Variants in DNAJC11 observed in about 807,000 individuals in gnomAD.
DNAJC11 encodes the protein dnaJ homolog subfamily C member 11.
DNAJC11 carries 15 observed loss-of-function variants against 78.6 expected under a neutral mutation model. That is an observed-to-expected ratio of 0.19 (90% CI 0.13 to 0.29). The LOEUF is 0.29. Among genes scored for constraint, DNAJC11 ranks in the 10% least tolerant of loss-of-function variants. DNAJC11 has a pLI of 1.00. For missense variants in DNAJC11, 547 were observed against 709.6 expected (o/e 0.77, Z 2.60); for synonymous variants, 292 against 272.1 (o/e 1.07, Z -0.72).
At chr1:6,654,299 T>C (rs1325198867) in intron 4 of DNAJC11, 1 of 328,740 alleles carries the variant, frequency 3.0e-6, no homozygotes. Context: ...TGCAGAGCAA[T>C]GACACGCCAA....
intron 12 of DNAJC11, chr1:6,638,062 GA>G: frequency 2.2e-6 from 1 of 451,390 alleles, no homozygotes; most frequent in Non-Finnish European, 3.9e-6. Context: ...TCAGAGGGAA[GA>G]AAAAGAGGCC....
chr1:6,673,068 C>G (rs774583582), intron 3 of DNAJC11, among the ~76,000 whole-genome samples: 2 of 151,668 alleles, frequency 1.3e-5, no homozygotes, highest in Non-Finnish European at 2.9e-5. Flanking sequence ...TGGTGGCGGG[C>G]GCCCATAATT....
chr1:6,636,977 C>G (rs546683976), intron 14 of DNAJC11, among the ~76,000 whole-genome samples: 2 of 152,306 alleles, frequency 1.3e-5, no homozygotes, highest in East Asian at 3.9e-4. Context: ...GCCTCCCGAA[C>G]AGCTGGGACA....
At chr1:6,660,280 C>T (rs1642188613) in intron 4 of DNAJC11, among the ~76,000 whole-genome samples, 1 of 151,540 alleles carries the variant, frequency 6.6e-6, no homozygotes, top group East Asian at 2.0e-4. Context: ...CCTTAGCCTC[C>T]CAAATAGCTG....
At chr1:6,656,219 G>A (rs1045551553) in intron 4 of DNAJC11, among the ~76,000 whole-genome samples, 2 of 151,522 alleles carry the variant, frequency 1.3e-5, no homozygotes, top group Non-Finnish European at 2.9e-5. Context: ...GAGTTTATGA[G>A]ATATAATGAG....
Position 6,669,135 on chromosome 1 carries a change from TGAG to T in DNAJC11, c.277-1328_277-1326del, listed in dbSNP as rs201018534. On this transcript the variant is annotated intron_variant, in intron 3 of 15. Coordinates refer to ENST00000377577, the MANE Select transcript of DNAJC11 (RefSeq NM_018198.4). ...CCAGGAGGTGAAGGTTGCAGTGAGC[TGAG>T]ATCATGCCACTGCACTCCAACCTGG... Among the ~76,000 whole-genome samples the T allele has an allele frequency of 7.0e-3, 1,028 of 146,778 alleles. 21 individuals carry two copies. The highest frequency in any genetic ancestry group is 0.024 in the African/African-American group (949 of 39,628).
At chr1:6,661,427 G>A (rs1475869081) in intron 4 of DNAJC11, among the ~76,000 whole-genome samples, 1 of 152,154 alleles carries the variant, frequency 6.6e-6, no homozygotes, top group Non-Finnish European at 1.5e-5. Flanking sequence ...GCTGACATGA[G>A]GGGGTGAAAA....
chr1:6,639,727 T>G (rs1641844903), intron 11 of DNAJC11, among the ~76,000 whole-genome samples, 175 bp downstream of exon 11: 1 of 151,986 alleles, frequency 6.6e-6, no homozygotes, highest in Admixed American at 6.6e-5. Flanking sequence ...TGAGGAGAAA[T>G]AGTTAACATT....
chr1:6,677,489 G>T (rs1317942190), intron 3 of DNAJC11, among the ~76,000 whole-genome samples: 1 of 152,094 alleles, frequency 6.6e-6, no homozygotes. Context: ...TAGAGACAGG[G>T]TCTTGCTATG....
chr1:6,677,170 A>AC (rs1642477602), intron 3 of DNAJC11, among the ~76,000 whole-genome samples: 1 of 151,506 alleles, frequency 6.6e-6, no homozygotes, highest in Non-Finnish European at 1.5e-5. Context: ...AAAAAAAAAA[A>AC]AAAACAAAAA....
intron 2 of DNAJC11, 117 bp from the exon 3 acceptor site, chr1:6,678,584 T>C: frequency 2.6e-6 from 2 of 782,628 alleles, no homozygotes; most frequent in South Asian, 1.8e-5. Flanking sequence ...GATCACAATC[T>C]TCCTAGAGAC....
rs201653157 is a variant in DNAJC11, at chr1:6,678,378, G to A, written c.276+16C>T. The A allele has an allele frequency of 1.3e-3, 2,099 of 1,610,092 alleles. 2 individuals are homozygous for A. The highest frequency in any genetic ancestry group is 1.7e-3 in the Non-Finnish European group (1,958 of 1,176,336). The stretch of plus-strand genomic sequence containing the variant: ...TAATGACTTTTCTGGAACACCAGAC[G>A]CACAGTTTCTCTTACCTCCCATCCT... On this transcript the variant is annotated intron_variant, in intron 3 of 15. Transcript: ENST00000377577.
chr1:6,636,634 G>A (rs759785836), intron 14 of DNAJC11, among the ~76,000 whole-genome samples: 19 of 152,286 alleles, frequency 1.2e-4, no homozygotes, highest in South Asian at 2.1e-4. Context: ...GAAGGCAGGC[G>A]TGTGTTCTGT....
Position 6,654,055 on chromosome 1 carries a change from A to C in DNAJC11, c.379-16T>G, listed in dbSNP as rs1642093715. On this transcript the variant is annotated splice_polypyrimidine_tract_variant and intron_variant, in intron 4 of 15. Transcript: ENST00000377577. The stretch of plus-strand genomic sequence containing the variant: ...TGATCGTTCCCTGGGGCAGAAAAAC[A>C]AGCCGTCAGCAGAACGGGTGGTATT... 1 of 1,610,750 alleles carries C rather than the reference A, an allele frequency of 6.2e-7. No homozygotes were observed. The highest frequency in any genetic ancestry group is 8.5e-7 in the Non-Finnish European group (1 of 1,177,520).
intron 9 of DNAJC11, 123 bp from the exon 10 acceptor site, chr1:6,644,797 G>C: frequency 1.1e-6 from 1 of 872,900 alleles, no homozygotes; most frequent in African/African-American, 1.7e-5. Context: ...CCCCCAGGGA[G>C]CAGATTCATG....
chr1:6,654,846 T>C lies in DNAJC11; in HGVS notation c.379-807A>G, dbSNP rs1461822008. ...CAGGCAACATTAGCCATTAGTCCAG[T>C]GCAGTGCAGTGGCACGATCTTGGCT... is the stretch of plus-strand genomic sequence containing the variant. On this transcript the variant is annotated intron_variant, in intron 4 of 15. Transcript: ENST00000377577. Among the ~76,000 whole-genome samples, 4 of 151,876 alleles carry C rather than the reference T, an allele frequency of 2.6e-5. No homozygotes were observed. The East Asian group carries it at 5.8e-4, about 22-fold the overall frequency.
In DNAJC11 at chr1:6,639,947, A is replaced by G. The variant is rs1208728623; in HGVS notation, c.1208T>C (p.Met403Thr). ...GTATGGTTTGATGATCAGACGGTGC[A>G]TGGCAAAGTAGACCACTAGAGGCCC... ...TVGPLVVYFAMHRLIIKPYLR... is the reference protein window; with the variant it reads ...TVGPLVVYFATHRLIIKPYLR... The change falls in exon 11 of 16, where the codon ATG (methionine) becomes ACG (threonine). Residue 403 changes from methionine to threonine, a missense_variant. Met to Thr is a moderately conservative substitution (Grantham distance 81, BLOSUM62 -1). Coordinates refer to ENST00000377577, the MANE Select transcript of DNAJC11 (RefSeq NM_018198.4). 3 of 1,613,840 alleles carry G rather than the reference A, an allele frequency of 1.9e-6. No individual in the cohort carries two copies. The highest frequency in any genetic ancestry group is 2.5e-6 in the Non-Finnish European group (3 of 1,179,964).
At chr1:6,673,015 G>A (rs1642404447) in intron 3 of DNAJC11, among the ~76,000 whole-genome samples, 1 of 151,882 alleles carries the variant, frequency 6.6e-6, no homozygotes, top group Non-Finnish European at 1.5e-5. Context: ...GGCCAACATG[G>A]CAAAACCCTG....
At chr1:6,648,248 C>T (rs1330426395) in intron 7 of DNAJC11, among the ~76,000 whole-genome samples, 4 of 152,166 alleles carry the variant, frequency 2.6e-5, no homozygotes, top group Admixed American at 6.5e-5. Context: ...CTCTGCCTCC[C>T]GGGTTCAGGC....
Sources: allele counts gnomAD v4.1 joint callset (sites outside exome capture counted in the v4.1 genomes callset), GRCh38; gene constraint gnomAD v4.1.1; transcripts MANE v1.5; gene names NCBI Gene and HGNC (gene_info 2026-07-23, HGNC 2026-07-21).